GALNT13: variants seen among roughly 807,000 people sequenced by gnomAD.
The protein encoded by GALNT13 is UDP-GalNAc:polypeptide N-acetylgalactosaminyltransferase 13.
Under a neutral mutation model 64.2 loss-of-function variants are expected in GALNT13, and 28 were observed. The ratio of observed to expected loss-of-function variants is 0.44; its 90% CI spans 0.32 to 0.60. The LOEUF is 0.60. GALNT13 is among the 20% of genes least tolerant of loss of function. The pLI, the probability that GALNT13 is intolerant of heterozygous loss-of-function variation, is 0.05. For synonymous variants in GALNT13, 214 were observed against 224.6 expected (o/e 0.95, Z 0.42); for missense variants, 577 against 669.8 (o/e 0.86, Z 1.53).
chr2:154,388,565 G>A (rs1185443457), intron 9 of GALNT13, among the ~76,000 whole-genome samples: 3 of 151,970 alleles, frequency 2.0e-5, no homozygotes, highest in Admixed American at 6.6e-5. Context: ...TTTTATATTT[G>A]GTATAAGATA....
At chr2:154,376,850 A>G (rs1324726134) in intron 9 of GALNT13, among the ~76,000 whole-genome samples, 1 of 152,116 alleles carries the variant, frequency 6.6e-6, no homozygotes, top group Non-Finnish European at 1.5e-5. Flanking sequence ...ACTATAGTAA[A>G]TATCTAAGGA....
chr2:154,138,548 A>G (rs1574578327), intron 3 of GALNT13, among the ~76,000 whole-genome samples: 1 of 151,320 alleles, frequency 6.6e-6, no homozygotes, highest in African/African-American at 2.4e-5. Flanking sequence ...TTTTTATGGA[A>G]TTAAAGTTAC....
At chr2:153,995,349 G>A (rs1695451166) in intron 3 of GALNT13, among the ~76,000 whole-genome samples, 2 of 151,786 alleles carry the variant, frequency 1.3e-5, no homozygotes, top group South Asian at 2.1e-4. Flanking sequence ...TCTACACTCA[G>A]TGCTGTGTTA....
the GALNT13 span, among the ~76,000 whole-genome samples, chr2:153,296,557 G>T: frequency 6.6e-6 from 1 of 152,138 alleles, no homozygotes; most frequent in African/African-American, 2.4e-5. Context: ...ATTCATACAT[G>T]ACAGGTCACC....
intron 11 of GALNT13, among the ~76,000 whole-genome samples, chr2:154,418,558 G>A (rs1464314237): frequency 6.6e-6 from 1 of 152,136 alleles, no homozygotes; most frequent in Non-Finnish European, 1.5e-5. Context: ...GAAGAAGCAA[G>A]GGCTAGATTT....
the GALNT13 span, among the ~76,000 whole-genome samples, chr2:153,182,446 A>G: frequency 2.0e-5 from 3 of 152,178 alleles, no homozygotes; most frequent in African/African-American, 4.8e-5. Context: ...AAGTTTTTTT[A>G]TTCTTTAACT....
the GALNT13 span, among the ~76,000 whole-genome samples, chr2:153,107,607 G>A: frequency 6.6e-6 from 1 of 152,108 alleles, no homozygotes; most frequent in Admixed American, 6.6e-5. Flanking sequence ...TCCTGGAGAG[G>A]AGTAGAGAAG....
chr2:153,884,637 T>C (rs1055756714), intron 1 of GALNT13, among the ~76,000 whole-genome samples: 1 of 151,266 alleles, frequency 6.6e-6, no homozygotes, highest in African/African-American at 2.4e-5. Context: ...TTTCCTCATC[T>C]TTAAAGCAAC....
At chr2:154,312,947 TTCTTGAATTGTA>T (rs1259522062) in intron 9 of GALNT13, among the ~76,000 whole-genome samples, 2 of 152,114 alleles carry the variant, frequency 1.3e-5, no homozygotes, top group Admixed American at 6.6e-5. Context: ...ATTACAGTAA[TTCTTGAATTGTA>T]TCTTGAATTG....
chr2:154,385,486 A>G (rs1339039006), intron 9 of GALNT13, among the ~76,000 whole-genome samples: 1 of 151,974 alleles, frequency 6.6e-6, no homozygotes, highest in Non-Finnish European at 1.5e-5. Flanking sequence ...GGATTTTGAT[A>G]TTAGATAAAA....
At chr2:153,412,041 C>T in the GALNT13 span, among the ~76,000 whole-genome samples, 5 of 152,146 alleles carry the variant, frequency 3.3e-5, no homozygotes, top group Admixed American at 2.6e-4. Flanking sequence ...CTGGCCTAGC[C>T]TCCCAGCCTA....
At chr2:153,077,178 C>CT in the GALNT13 span, among the ~76,000 whole-genome samples, 1 of 152,108 alleles carries the variant, frequency 6.6e-6, no homozygotes, top group Non-Finnish European at 1.5e-5. Flanking sequence ...TCTCTAACTC[C>CT]TGACCTCAGG....
At chr2:154,120,706 C>T (rs7565758) in intron 3 of GALNT13, among the ~76,000 whole-genome samples, 28,396 of 151,940 alleles carry the variant, frequency 0.19, 3,371 homozygotes, top group Non-Finnish European at 0.26. Context: ...CTTGGTCAAT[C>T]CAAGGGCATG....
chr2:153,398,229 A>G, the GALNT13 span, among the ~76,000 whole-genome samples: 2 of 152,122 alleles, frequency 1.3e-5, no homozygotes, highest in African/African-American at 4.8e-5. Context: ...AGTTTCACCC[A>G]TGTCCCTACA....
At chr2:153,675,384 T>C in the GALNT13 span, among the ~76,000 whole-genome samples, 13 of 152,176 alleles carry the variant, frequency 8.5e-5, no homozygotes, top group Non-Finnish European at 8.8e-5. Flanking sequence ...GATGAGTTTA[T>C]GTCTTTGCAG....
At chr2:153,471,998 G>A in the GALNT13 span, among the ~76,000 whole-genome samples, 1 of 152,226 alleles carries the variant, frequency 6.6e-6, no homozygotes, top group African/African-American at 2.4e-5. Context: ...GAAACACTGA[G>A]TATGAGAATA....
At chr2:153,296,002 G>T in the GALNT13 span, among the ~76,000 whole-genome samples, 1 of 152,124 alleles carries the variant, frequency 6.6e-6, no homozygotes, top group Admixed American at 6.6e-5. Flanking sequence ...ACACATTAGA[G>T]CGCCCACTCA....
intron 4 of GALNT13, among the ~76,000 whole-genome samples, chr2:154,209,723 T>A (rs6707895): frequency 0.13 from 19,847 of 152,186 alleles, 1,530 homozygotes; most frequent in East Asian, 0.34. Context: ...TGTTCCCTTT[T>A]TAAATTGTTA....
intron 4 of GALNT13, among the ~76,000 whole-genome samples, chr2:154,153,675 T>G (rs1444036635): frequency 1.3e-5 from 2 of 152,200 alleles, no homozygotes; most frequent in East Asian, 1.9e-4. Flanking sequence ...CTTTGCAGTT[T>G]GATCTCAGAC....
Sources: allele counts gnomAD v4.1 joint callset (sites outside exome capture counted in the v4.1 genomes callset), GRCh38; gene constraint gnomAD v4.1.1; transcripts MANE v1.5; gene names NCBI Gene and HGNC (gene_info 2026-07-23, HGNC 2026-07-21).